The following PRKN variants were observed in gnomAD, a reference collection of about 807,000 sequenced individuals.
PRKN encodes parkin RBR E3 ubiquitin protein ligase.
In PRKN, 56 loss-of-function variants were observed where a neutral mutation model predicts 59.5. The ratio of observed to expected loss-of-function variants is 0.94; its 90% CI spans 0.76 to 1.18. The LOEUF (loss-of-function observed/expected upper bound fraction) is 1.18. Among genes scored for constraint, PRKN ranks in the 50% most tolerant of loss-of-function variants. The pLI, the probability that PRKN is intolerant of heterozygous loss-of-function variation, is 0.00. For missense variants in PRKN, 657 were observed against 596.4 expected, an observed-to-expected ratio of 1.10 and a Z score of -1.06; for synonymous variants, 250 against 222.1, an observed-to-expected ratio of 1.13 and a Z score of -1.12.
Position 161,389,134 on chromosome 6 carries a change from T to C in PRKN, c.1084-2257A>G, listed in dbSNP as rs1786394392. 2.0e-5 allele frequency among the ~76,000 whole-genome samples: 3 copies of C among 152,258 alleles called. No homozygotes were observed. The South Asian group carries it at 6.2e-4, about 32-fold the overall frequency. On this transcript the variant is annotated intron_variant, in intron 9 of 11. Coordinates refer to ENST00000366898, the MANE Select transcript of PRKN (RefSeq NM_004562.3). The stretch of plus-strand genomic sequence containing the variant: ...ATAGAAACCAGGATATAAAACCAAC[T>C]CTATCCCAAAATATACCATAATTCC...
At chr6:162,313,677 G>A (rs7771396) in intron 2 of PRKN, among the ~76,000 whole-genome samples, 11,174 of 151,698 alleles carry the variant, frequency 0.074, 639 homozygotes, top group African/African-American at 0.16. Context: ...TAGTAGAGAT[G>A]GGTTTCATCA....
chr6:162,389,462 A>G (rs1195027358), intron 2 of PRKN, among the ~76,000 whole-genome samples: 1 of 151,676 alleles, frequency 6.6e-6, no homozygotes, highest in Admixed American at 6.6e-5. Flanking sequence ...AAAAGAAATA[A>G]AAAACCTTTG....
At chr6:161,411,400 C>T (rs891430396) in intron 9 of PRKN, among the ~76,000 whole-genome samples, 7 of 152,188 alleles carry the variant, frequency 4.6e-5, no homozygotes, top group East Asian at 1.9e-4. Flanking sequence ...ATTGGCCTTC[C>T]GCCATGATTG....
chr6:162,387,194 G>T (rs1209181230), intron 2 of PRKN, among the ~76,000 whole-genome samples: 1 of 75,514 alleles, frequency 1.3e-5, no homozygotes, highest in Non-Finnish European at 2.8e-5. Flanking sequence ...AAGGCAACAA[G>T]AATTGAAAAT....
intron 4 of PRKN, among the ~76,000 whole-genome samples, chr6:162,054,656 A>G (rs1315331772): frequency 6.6e-6 from 1 of 152,232 alleles, no homozygotes; most frequent in East Asian, 1.9e-4. Flanking sequence ...GAGGCATCCC[A>G]GCACCTAGAG....
intron 9 of PRKN, among the ~76,000 whole-genome samples, chr6:161,436,953 G>A (rs2115071111): frequency 6.6e-6 from 1 of 152,152 alleles, no homozygotes; most frequent in African/African-American, 2.4e-5. Context: ...CAGTGCCTAT[G>A]AAAATAACAA....
intron 9 of PRKN, among the ~76,000 whole-genome samples, chr6:161,469,207 C>A (rs930843440): frequency 2.0e-5 from 3 of 152,102 alleles, no homozygotes; most frequent in African/African-American, 7.2e-5. Flanking sequence ...GGGGTGGTAT[C>A]CCCCAGGCTG....
intron 2 of PRKN, among the ~76,000 whole-genome samples, chr6:162,271,793 T>G (rs1234665096): frequency 6.6e-6 from 1 of 152,178 alleles, no homozygotes; most frequent in South Asian, 2.1e-4. Context: ...ACAGAAACTA[T>G]CCTTTCAAAC....
chr6:162,170,544 T>G (rs1783224793), intron 4 of PRKN, among the ~76,000 whole-genome samples: 1 of 152,210 alleles, frequency 6.6e-6, no homozygotes. Flanking sequence ...CCTAATAAAT[T>G]CTACTGCATT....
At chr6:162,316,238 A>T (rs1782748995) in intron 2 of PRKN, among the ~76,000 whole-genome samples, 2 of 150,692 alleles carry the variant, frequency 1.3e-5, no homozygotes, top group Admixed American at 1.3e-4. Flanking sequence ...AATTTTTGGT[A>T]GGCTGCTAGT....
At chr6:161,868,640 G>A (rs550834890) in intron 6 of PRKN, among the ~76,000 whole-genome samples, 1 of 152,158 alleles carries the variant, frequency 6.6e-6, no homozygotes, top group Admixed American at 6.6e-5. Flanking sequence ...TGTCCTTAAA[G>A]CACAGGCTGT....
At chr6:161,780,695 C>T (rs928883572) in intron 7 of PRKN, among the ~76,000 whole-genome samples, 3 of 152,212 alleles carry the variant, frequency 2.0e-5, no homozygotes, top group Admixed American at 6.5e-5. Flanking sequence ...CTGACGATGT[C>T]GGTACATACG....
chr6:161,985,816 T>C (rs1445323179), intron 5 of PRKN, among the ~76,000 whole-genome samples: 1 of 152,116 alleles, frequency 6.6e-6, no homozygotes, highest in Non-Finnish European at 1.5e-5. Context: ...TGGAGACCCT[T>C]TGAGGAGGGG....
chr6:161,688,565 A>T (rs1785654731), intron 7 of PRKN, among the ~76,000 whole-genome samples: 3 of 152,206 alleles, frequency 2.0e-5, no homozygotes, highest in Admixed American at 2.0e-4. Flanking sequence ...TCTTGTTTCC[A>T]TGGGACTTTT....
At chr6:162,437,949 G>A (rs1789858965) in intron 2 of PRKN, among the ~76,000 whole-genome samples, 1 of 152,190 alleles carries the variant, frequency 6.6e-6, no homozygotes, top group Non-Finnish European at 1.5e-5. Flanking sequence ...ATAACTAAGA[G>A]TATAACTCTG....
At chr6:162,180,554 C>T (rs957591296) in intron 4 of PRKN, among the ~76,000 whole-genome samples, 11 of 152,122 alleles carry the variant, frequency 7.2e-5, no homozygotes, top group South Asian at 4.1e-4. Context: ...AAAGAATTGT[C>T]GGCTCACAGG....
intron 4 of PRKN, among the ~76,000 whole-genome samples, chr6:162,125,686 T>C (rs1056727344): frequency 6.6e-6 from 1 of 152,220 alleles, no homozygotes; most frequent in South Asian, 2.1e-4. Context: ...TAACGTACCA[T>C]GGCCAAAGTC....
chr6:162,645,759 C>T (rs1778146407), intron 1 of PRKN, among the ~76,000 whole-genome samples: 1 of 152,098 alleles, frequency 6.6e-6, no homozygotes, highest in Non-Finnish European at 1.5e-5. Context: ...TGCTTCTATT[C>T]ACGTACTCTA....
intron 3 of PRKN, among the ~76,000 whole-genome samples, chr6:162,253,289 T>C (rs568010195): frequency 1.3e-5 from 2 of 150,802 alleles, no homozygotes; most frequent in Non-Finnish European, 2.9e-5. Flanking sequence ...AAATCTAATC[T>C]AATCTAATCT....
Sources: gnomAD v4.1 joint callset for allele counts (sites outside exome capture counted in the v4.1 genomes callset) on GRCh38, gnomAD v4.1.1 for gene constraint, MANE v1.5 for transcripts, NCBI Gene and HGNC (gene_info 2026-07-23, HGNC 2026-07-21) for gene names.